RGS5: variants seen among roughly 807,000 people sequenced by gnomAD.
The protein encoded by RGS5 is regulator of G protein signaling 5, also known as regulator of G-protein signalling 5.
RGS5 carries 20 observed loss-of-function variants against 18.9 expected under a neutral mutation model. That is an observed-to-expected ratio of 1.06 (90% CI 0.74 to 1.54). The LOEUF is 1.54. RGS5 is among the 40% of genes most tolerant of loss of function. The pLI is 0.00. For missense variants in RGS5, 201 were observed against 211.8 expected (o/e 0.95, Z 0.32); for synonymous variants, 57 against 76.2 (o/e 0.75, Z 1.31).
intron 2 of RGS5, among the ~76,000 whole-genome samples, chr1:163,243,026 C>T (rs1647829944): frequency 6.6e-6 from 1 of 152,080 alleles, no homozygotes; most frequent in South Asian, 2.1e-4. Context: ...TGTCTTTATA[C>T]ATAGAAGGAG....
intron 2 of RGS5, among the ~76,000 whole-genome samples, chr1:163,168,023 G>A (rs1311698300): frequency 6.6e-6 from 1 of 151,966 alleles, no homozygotes; most frequent in Admixed American, 6.6e-5. Context: ...CAAAAATAAG[G>A]CAGAGTCTTA....
chr1:163,159,764 C>G (rs946921034), intron 3 of RGS5, among the ~76,000 whole-genome samples: 23 of 152,160 alleles, frequency 1.5e-4, no homozygotes, highest in African/African-American at 5.6e-4. Context: ...TATAAACACA[C>G]AGGCAAACAC....
intron 1 of RGS5, among the ~76,000 whole-genome samples, chr1:163,190,988 TAC>T (rs201019230): frequency 3.0e-5 from 4 of 131,366 alleles, no homozygotes; most frequent in Non-Finnish European, 5.1e-5. Flanking sequence ...ATTGGATCAA[TAC>T]ATATATATAT....
rs970508740 is a variant in RGS5, at chr1:163,302,775, C to T, written c.-281+3458G>A. 3.9e-5 allele frequency among the ~76,000 whole-genome samples: 6 copies of T among 152,290 alleles called. No individual in the cohort carries two copies. In the South Asian group the frequency reaches 8.3e-4, roughly 21 times the overall value. On this transcript the variant is annotated intron_variant, in intron 2 of 5. Coordinates refer to the RGS5 transcript ENST00000618415. Reference sequence around the variant, plus strand: ...AGCCATTCACTCTACCGGAAATGACCTTACCCCTTCCTCACACCAAATTCA... The same window carrying T: ...AGCCATTCACTCTACCGGAAATGACTTTACCCCTTCCTCACACCAAATTCA...
intron 4 of RGS5, among the ~76,000 whole-genome samples, chr1:163,151,681 G>A (rs1225921086): frequency 1.3e-5 from 2 of 152,166 alleles, no homozygotes; most frequent in Non-Finnish European, 2.9e-5. Context: ...GTGAAGAGGT[G>A]CCTTCTGTCT....
In RGS5 at chr1:163,251,764, C is replaced by A. The variant is rs373292733; in HGVS notation, c.-281+54469G>T. On this transcript the variant is annotated intron_variant, in intron 2 of 5. Transcript: ENST00000618415. Reference sequence around the variant, plus strand: ...TGTTATATAAATGGAATCATACATACAATCATGTATAGTCTTTTGAGATTG... The same window carrying A: ...TGTTATATAAATGGAATCATACATAAAATCATGTATAGTCTTTTGAGATTG... 1.1e-4 allele frequency among the ~76,000 whole-genome samples: 16 copies of A among 152,254 alleles called. No individual in the cohort carries two copies. In the East Asian group the frequency reaches 1.7e-3, roughly 17 times the overall value.
chr1:163,220,696 TA>T (rs1647210718), upstream of RGS5, among the ~76,000 whole-genome samples: 1 of 152,074 alleles, frequency 6.6e-6, no homozygotes, highest in African/African-American at 2.4e-5. Context: ...CCTTTTATGG[TA>T]AAAGGGATTC....
chr1:163,319,494 T>C (rs376835139), intron 1 of RGS5, among the ~76,000 whole-genome samples: 7 of 152,278 alleles, frequency 4.6e-5, no homozygotes, highest in African/African-American at 1.4e-4. Context: ...GACAGGGAAA[T>C]TACTGATGAT....
intron 2 of RGS5, among the ~76,000 whole-genome samples, chr1:163,278,821 T>A (rs1455884490): frequency 6.6e-6 from 1 of 151,862 alleles, no homozygotes; most frequent in African/African-American, 2.4e-5. Flanking sequence ...CTCTTGTAAA[T>A]ATACACATAG....
intron 2 of RGS5, chr1:163,238,562 T>C (rs888504354): frequency 6.1e-6 from 1 of 164,464 alleles, no homozygotes; most frequent in Admixed American, 6.3e-5. Context: ...ATGGGACAAT[T>C]GTAGAGCAAC....
chr1:163,275,337 T>C (rs1276375258), intron 2 of RGS5, among the ~76,000 whole-genome samples: 3 of 152,130 alleles, frequency 2.0e-5, no homozygotes. Context: ...ATGTCCAAGA[T>C]TTCACTGTTA....
At chr1:163,200,724 G>A (rs184598345) in intron 1 of RGS5, among the ~76,000 whole-genome samples, 33 of 152,190 alleles carry the variant, frequency 2.2e-4, no homozygotes, top group East Asian at 1.7e-3. Context: ...CAATAATTGC[G>A]TATTCTACCA....
At chr1:163,248,816 T>C (rs573146306) in intron 2 of RGS5, 1 of 152,318 alleles carries the variant, frequency 6.6e-6, no homozygotes, top group South Asian at 2.1e-4. Context: ...GGAGTTGACC[T>C]ATGACCATCT....
chr1:163,308,696 T>C (rs1191228053), intron 1 of RGS5: 1 of 152,154 alleles, frequency 6.6e-6, no homozygotes, highest in Non-Finnish European at 1.5e-5. Flanking sequence ...TGCAATTTAA[T>C]TGAGATAATC....
At chr1:163,189,328 G>A (rs1659246248) in intron 1 of RGS5, among the ~76,000 whole-genome samples, 1 of 152,138 alleles carries the variant, frequency 6.6e-6, no homozygotes, top group Non-Finnish European at 1.5e-5. Context: ...GGATGGCAAA[G>A]GGCAGAAGGA....
chr1:163,185,542 C>T (rs1024289980), intron 1 of RGS5, among the ~76,000 whole-genome samples: 3 of 152,318 alleles, frequency 2.0e-5, no homozygotes, highest in Middle Eastern at 3.4e-3. Context: ...TTCTCTCTTT[C>T]CTCCTGTCAT....
At chr1:163,226,413 T>C (rs529446269) in intron 2 of RGS5, among the ~76,000 whole-genome samples, 3 of 152,270 alleles carry the variant, frequency 2.0e-5, no homozygotes, top group African/African-American at 7.2e-5. Context: ...GGAGTTAAAC[T>C]TAAAAGTTTG....
chr1:163,295,874 C>G (rs1649408748), intron 2 of RGS5, among the ~76,000 whole-genome samples: 1 of 152,090 alleles, frequency 6.6e-6, no homozygotes, highest in Non-Finnish European at 1.5e-5. Context: ...CTTACTCTTG[C>G]TAATACTGAC....
chr1:163,253,650 T>A lies in RGS5; in HGVS notation c.-281+52583A>T, dbSNP rs535717220. On this transcript the variant is annotated intron_variant, in intron 2 of 5. Coordinates refer to the RGS5 transcript ENST00000618415. ...TTTATTTATTTATTTATTTATTTTT[T>A]AATTTTATTATTATTATACTTTAAG... 2.2e-3 allele frequency among the ~76,000 whole-genome samples: 328 copies of A among 151,432 alleles called. 1 individual carries two copies. The highest frequency in any genetic ancestry group is 7.8e-3 in the African/African-American group (321 of 41,418).
Sources: allele counts gnomAD v4.1 joint callset (sites outside exome capture counted in the v4.1 genomes callset), GRCh38; gene constraint gnomAD v4.1.1; transcripts MANE v1.5; gene names NCBI Gene and HGNC (gene_info 2026-07-23, HGNC 2026-07-21).